The following LRRC38 variants were observed in gnomAD, a reference collection of about 807,000 sequenced individuals.
The protein encoded by LRRC38 is leucine-rich repeat-containing protein 38.
Under a neutral mutation model 16.4 loss-of-function variants are expected in LRRC38, and 5 were observed. The ratio of observed to expected loss-of-function variants is 0.31; its 90% confidence interval spans 0.16 to 0.64. The LOEUF (loss-of-function observed/expected upper bound fraction) is 0.64. Ranked by LOEUF, LRRC38 falls within the 30% of genes least tolerant of loss-of-function variation. The pLI is 0.80. For missense variants in LRRC38, 341 were observed against 401.8 expected (o/e 0.85, Z 1.29); for synonymous variants, 191 against 190.2 (o/e 1.00, Z -0.04).
In LRRC38 at chr1:13,487,584, A is replaced by G. The variant is rs538317699; in HGVS notation, c.632-11485T>C. ...CAGGGCACATTCAGAAGAGACAGGC[A>G]TCTCCCTTGTGCAGGGCGGCTCCGT... On this transcript the variant is annotated intron_variant, in intron 1 of 1. Transcript: ENST00000376085. The surrounding 1 kb of genome is among the most constrained non-coding windows in gnomAD (Gnocchi z 4.4). 9.9e-4 allele frequency among the ~76,000 whole-genome samples: 151 copies of G among 152,316 alleles called. 2 individuals carry two copies. The highest frequency in any genetic ancestry group is 3.6e-3 in the African/African-American group (149 of 41,576).
Position 13,492,581 on chromosome 1 carries a change from A to G in LRRC38, c.632-16482T>C, listed in dbSNP as rs377138567. 1.0e-3 allele frequency among the ~76,000 whole-genome samples: 156 copies of G among 152,162 alleles called. 5 individuals are homozygous for G. The South Asian group carries it at 0.031, about 31-fold the overall frequency. Reference sequence around the variant, plus strand: ...GCCGGGCCTGGTGGCGGGTGCCTGCAATCCCAGCTGCTCAGGAGGCTAAGG... The same window carrying G: ...GCCGGGCCTGGTGGCGGGTGCCTGCGATCCCAGCTGCTCAGGAGGCTAAGG... On this transcript the variant is annotated intron_variant, in intron 1 of 1. Transcript: ENST00000376085.
chr1:13,496,844 A>T (rs1639086090), intron 1 of LRRC38, among the ~76,000 whole-genome samples: 1 of 152,170 alleles, frequency 6.6e-6, no homozygotes, highest in South Asian at 2.1e-4. Context: ...GGGACAGGGA[A>T]GGAGAGCCAG....
intron 1 of LRRC38, among the ~76,000 whole-genome samples, chr1:13,509,087 T>C (rs1639245409): frequency 6.6e-6 from 1 of 152,082 alleles, no homozygotes; most frequent in Admixed American, 6.5e-5. Context: ...TGGGAAGCTG[T>C]CTCCACCCAG....
intron 1 of LRRC38, among the ~76,000 whole-genome samples, chr1:13,488,057 T>TGTGTGTGC (rs1371534458): frequency 2.0e-5 from 3 of 151,908 alleles, no homozygotes; most frequent in African/African-American, 7.3e-5. Flanking sequence ...TGTGTGTGTG[T>TGTGTGTGC]GTGTGTACAT....
intron 1 of LRRC38, among the ~76,000 whole-genome samples, chr1:13,482,070 G>A (rs576882862): frequency 6.6e-6 from 1 of 152,118 alleles, no homozygotes; most frequent in Non-Finnish European, 1.5e-5. Flanking sequence ...GTTATTAAAT[G>A]GCTTCCTTTA....
intron 1 of LRRC38, among the ~76,000 whole-genome samples, chr1:13,500,177 C>T (rs1301407757): frequency 6.6e-6 from 1 of 151,606 alleles, no homozygotes; most frequent in East Asian, 1.9e-4. Context: ...ATCACTTGAA[C>T]CCGGGAGGCA....
intron 1 of LRRC38, among the ~76,000 whole-genome samples, chr1:13,511,986 T>C (rs954455404): frequency 6.6e-6 from 1 of 152,202 alleles, no homozygotes; most frequent in Non-Finnish European, 1.5e-5. Flanking sequence ...TCTGCATGTA[T>C]GTCACCTTTG....
At chr1:13,494,507 A>G (rs374489956) in intron 1 of LRRC38, among the ~76,000 whole-genome samples, 70 of 149,960 alleles carry the variant, frequency 4.7e-4, no homozygotes, top group African/African-American at 1.7e-3. Context: ...ATTTTTGTCC[A>G]CGTTTTATAC....
chr1:13,494,301 G>A (rs1639054876), intron 1 of LRRC38, among the ~76,000 whole-genome samples: 1 of 151,968 alleles, frequency 6.6e-6, no homozygotes, highest in African/African-American at 2.4e-5. Flanking sequence ...CTCAGCGTGA[G>A]CCTCAGGAAC....
At chr1:13,491,834 C>G (rs1639015996) in intron 1 of LRRC38, among the ~76,000 whole-genome samples, 1 of 152,128 alleles carries the variant, frequency 6.6e-6, no homozygotes, top group South Asian at 2.1e-4. Flanking sequence ...TGCCACCACG[C>G]CCAGCTAATT....
chr1:13,475,767 T>C lies in LRRC38; in HGVS notation c.*79A>G. 6 of 1,500,266 alleles carry C rather than the reference T, an allele frequency of 4.0e-6. No individual in the cohort carries two copies. The highest frequency in any genetic ancestry group is 5.4e-6 in the Non-Finnish European group (6 of 1,120,118). The allele number at this position is 1,500,266 out of a possible 1,614,324, so 92.9% of individuals were successfully genotyped here. A position where few individuals can be genotyped will look rare whatever the true frequency, so the allele number is the denominator to read the frequency against. On this transcript the variant is annotated 3_prime_UTR_variant, in exon 2 of 2. Transcript: ENST00000376085. The surrounding 1 kb of genome is among the most constrained non-coding windows in gnomAD (Gnocchi z 4.3). ...ACAGATGGTGGCCAGTGCTTTTCCATTTTCAGCATTTCCCTCTCGTCTTGG... is the reference window on the plus strand; with the variant it reads ...ACAGATGGTGGCCAGTGCTTTTCCACTTTCAGCATTTCCCTCTCGTCTTGG...
Position 13,487,390 on chromosome 1 carries a change from C to T in LRRC38, c.632-11291G>A, listed in dbSNP as rs1638948382. Among the ~76,000 whole-genome samples, 1 of 152,198 alleles carries T rather than the reference C, an allele frequency of 6.6e-6. No individual in the cohort carries two copies. The highest frequency in any genetic ancestry group is 2.1e-4 in the South Asian group (1 of 4,838). ...AGGCAGCGGGAGTGATGCAGCTCAC[C>T]TCCCCACAATAGGCAGGCTCAACTG... On this transcript the variant is annotated intron_variant, in intron 1 of 1. Transcript: ENST00000376085. The surrounding 1 kb of genome is among the most constrained non-coding windows in gnomAD (Gnocchi z 4.4).
At chr1:13,489,149 A>G (rs936175040) in intron 1 of LRRC38, among the ~76,000 whole-genome samples, 1 of 152,114 alleles carries the variant, frequency 6.6e-6, no homozygotes, top group Non-Finnish European at 1.5e-5. Flanking sequence ...AAGGACAAAC[A>G]TGGAAGGTTC....
At chr1:13,496,636 T>A in intron 1 of LRRC38, among the ~76,000 whole-genome samples, 1 of 151,984 alleles carries the variant, frequency 6.6e-6, no homozygotes, top group East Asian at 1.9e-4. Context: ...ACCCACCGAG[T>A]CATTCATCCC....
intron 1 of LRRC38, among the ~76,000 whole-genome samples, chr1:13,501,164 C>G (rs372541275): frequency 1.3e-5 from 2 of 151,692 alleles, no homozygotes; most frequent in East Asian, 3.9e-4. Flanking sequence ...GATATATATA[C>G]GCATATATAT....
chr1:13,490,009 G>A (rs1638988875), intron 1 of LRRC38, among the ~76,000 whole-genome samples: 3 of 152,132 alleles, frequency 2.0e-5, no homozygotes, highest in African/African-American at 7.2e-5. Context: ...AATCCCACAT[G>A]CTAGCCTGAG....
chr1:13,501,330 G>A (rs1439086121), intron 1 of LRRC38, among the ~76,000 whole-genome samples: 1 of 152,084 alleles, frequency 6.6e-6, no homozygotes, highest in Non-Finnish European at 1.5e-5. Context: ...TGCAGGGTAA[G>A]GGGTAAAGGG....
chr1:13,475,945 G>A lies in LRRC38; in HGVS notation c.786C>T (p.Ala262=). The stretch of plus-strand genomic sequence containing the variant: ...TGGCCAGGAAGAAGCTGGAGATGAT[G>A]GCCGCAATGGACACGGCCACACCGG... The part of the protein sequence containing the change: ...IFSGVAVSIA[A]IISSFFLATV... Residue 262 remains alanine, a synonymous_variant, in exon 2 of 2, where the codon GCC becomes GCT. Transcript: ENST00000376085. This position sits in a 1 kb window ranked among gnomAD's most constrained non-coding sequence, Gnocchi z 4.3. The A allele has an allele frequency of 6.4e-7, 1 of 1,550,556 alleles. No homozygotes were observed.
At chr1:13,477,758 A>C (rs374427261) in intron 1 of LRRC38, among the ~76,000 whole-genome samples, 4 of 152,168 alleles carry the variant, frequency 2.6e-5, no homozygotes, top group South Asian at 4.1e-4. Context: ...GGATCATTTG[A>C]GCCTGGGAAA....
Sources: gnomAD v4.1 joint callset for allele counts (sites outside exome capture counted in the v4.1 genomes callset) on GRCh38, gnomAD v4.1.1 for gene constraint, Gnocchi (gnomAD v3.1) non-coding constraint, MANE v1.5 for transcripts, NCBI Gene and HGNC (gene_info 2026-07-23, HGNC 2026-07-21) for gene names.